Variants in LRRC8D observed in about 807,000 individuals in gnomAD.
LRRC8D encodes the protein volume-regulated anion channel subunit LRRC8D.
Under a neutral mutation model 55.8 loss-of-function variants are expected in LRRC8D, and 20 were observed. The ratio of observed to expected loss-of-function variants is 0.36; its 90% CI spans 0.25 to 0.52. LRRC8D has a LOEUF of 0.52. Among genes scored for constraint, LRRC8D ranks in the 20% least tolerant of loss-of-function variants. The probability of loss-of-function intolerance (pLI) is 0.93; values close to 1 mark genes in which losing one functional copy is unlikely to be tolerated. For missense variants in LRRC8D, 651 were observed against 1,030.8 expected (o/e 0.63, Z 5.05); for synonymous variants, 352 against 377.0 (o/e 0.93, Z 0.77).
intron 2 of LRRC8D, among the ~76,000 whole-genome samples, chr1:89,910,155 T>C (rs1663101123): frequency 6.6e-6 from 1 of 152,230 alleles, no homozygotes; most frequent in Admixed American, 6.5e-5. Context: ...GAATATTTGG[T>C]CTGACTTTGT....
intron 2 of LRRC8D, among the ~76,000 whole-genome samples, chr1:89,916,679 TTTC>T (rs1663276547): frequency 6.6e-6 from 1 of 152,168 alleles, no homozygotes; most frequent in Non-Finnish European, 1.5e-5. Context: ...TTTTCTTGCT[TTTC>T]TGTTCTCTCT....
chr1:89,932,430 A>G (rs1663734077), intron 2 of LRRC8D, among the ~76,000 whole-genome samples: 1 of 152,208 alleles, frequency 6.6e-6, no homozygotes, highest in Non-Finnish European at 1.5e-5. Flanking sequence ...TCAACTGTTC[A>G]TGGACACTTC....
chr1:89,912,471 A>C (rs1409992637), intron 2 of LRRC8D, among the ~76,000 whole-genome samples: 1 of 138,978 alleles, frequency 7.2e-6, no homozygotes, highest in Non-Finnish European at 1.5e-5. Flanking sequence ...ATATTCTGAG[A>C]TTAGACCCAT....
intron 2 of LRRC8D, among the ~76,000 whole-genome samples, chr1:89,862,101 G>A (rs1478797609): frequency 6.6e-6 from 1 of 152,188 alleles, no homozygotes; most frequent in Non-Finnish European, 1.5e-5. Flanking sequence ...AAAAGAGCTG[G>A]TTATACCGTT....
chr1:89,935,511 G>A lies in LRRC8D; in HGVS notation c.2443G>A (p.Ala815Thr). ...LKGNCLDRLP[A>T]QLGQCRMLKK... The stretch of plus-strand genomic sequence containing the variant: ...GGGGAACTGCTTGGACCGCCTGCCA[G>A]CCCAGCTGGGCCAGTGTCGGATGCT... The change falls in exon 3 of 3, where the codon GCC (alanine) becomes ACC (threonine). Residue 815 changes from alanine (A) to threonine (T), a missense_variant. By Grantham distance (58) the Ala-to-Thr change is moderately conservative (BLOSUM62 0). Transcript: ENST00000337338. 1.2e-6 allele frequency: 2 copies of A among 1,614,244 alleles called. No individual in the cohort carries two copies. The highest frequency in any genetic ancestry group is 1.7e-6 in the Non-Finnish European group (2 of 1,180,048).
chr1:89,929,014 AGAT>A (rs1376018935), intron 2 of LRRC8D, among the ~76,000 whole-genome samples: 1 of 152,258 alleles, frequency 6.6e-6, no homozygotes, highest in Non-Finnish European at 1.5e-5. Context: ...AGGATGCTGA[AGAT>A]GATGATCAAG....
At chr1:89,872,835 G>A (rs1409298597) in intron 2 of LRRC8D, among the ~76,000 whole-genome samples, 1 of 152,136 alleles carries the variant, frequency 6.6e-6, no homozygotes, top group African/African-American at 2.4e-5. Flanking sequence ...GATTAGTAAT[G>A]TGTGTGCAAA....
At chr1:89,840,642 C>T (rs957883840) in intron 1 of LRRC8D, among the ~76,000 whole-genome samples, 1 of 152,086 alleles carries the variant, frequency 6.6e-6, no homozygotes, top group African/African-American at 2.4e-5. Context: ...ACAAACTCTC[C>T]TATATATCAT....
chr1:89,869,551 G>A (rs1356230311), intron 2 of LRRC8D, among the ~76,000 whole-genome samples: 1 of 152,160 alleles, frequency 6.6e-6, no homozygotes, highest in African/African-American at 2.4e-5. Flanking sequence ...TATTATCCAG[G>A]AGAACTTCCC....
chr1:89,860,809 T>TATATATATATATATATAC (rs970678615), intron 2 of LRRC8D, among the ~76,000 whole-genome samples: 5 of 105,556 alleles, frequency 4.7e-5, no homozygotes, highest in East Asian at 2.9e-4. Flanking sequence ...TATATATATA[T>TATATATATATATATATAC]ACACACACAG....
At chr1:89,901,824 G>C (rs575318557) in intron 2 of LRRC8D, among the ~76,000 whole-genome samples, 5 of 152,326 alleles carry the variant, frequency 3.3e-5, no homozygotes, top group African/African-American at 1.2e-4. Flanking sequence ...TTTGATTTCT[G>C]TTTGGAGGAA....
At position 89,934,080 on chromosome 1, in the gene LRRC8D, G is replaced by A. The variant is rs568692732; in HGVS notation, c.1012G>A (p.Val338Ile). Residue 338 changes from valine (V) to isoleucine (I), a missense_variant, in exon 3 of 3, where the codon GTC becomes ATC. Physicochemically the swap from Val to Ile is conservative, Grantham distance 29 (BLOSUM62 3). Around this residue, in one of 5 missense-constraint regions of LRRC8D, gnomAD observed 178 missense variants for 374.9 expected, o/e 0.47. Coordinates refer to ENST00000337338, the MANE Select transcript of LRRC8D (RefSeq NM_001134479.2). This position sits in a 1 kb window ranked among gnomAD's most constrained non-coding sequence, Gnocchi z 5.9. ...TGTCAACGCAATCAGCTTTGAACAC[G>A]TCTGCAAGCCCAAAGTTGAGCATCT... ...NFVNAISFEH[V>I]CKPKVEHLIG... The A allele has an allele frequency of 4.2e-5, 67 of 1,614,160 alleles. No homozygotes were observed. The South Asian group carries it at 4.9e-4, about 12-fold the overall frequency.
chr1:89,864,758 C>G (rs1661800795), intron 2 of LRRC8D, among the ~76,000 whole-genome samples: 1 of 152,210 alleles, frequency 6.6e-6, no homozygotes, highest in African/African-American at 2.4e-5. Flanking sequence ...CAGGAAACCT[C>G]AGCCTCCATC....
chr1:89,847,492 G>A (rs1293531519), intron 2 of LRRC8D, among the ~76,000 whole-genome samples: 1 of 152,076 alleles, frequency 6.6e-6, no homozygotes, highest in African/African-American at 2.4e-5. Context: ...AGTGGCTTGT[G>A]AACCAGCCGT....
intron 2 of LRRC8D, among the ~76,000 whole-genome samples, chr1:89,876,519 G>A (rs944706530): frequency 6.6e-6 from 1 of 152,198 alleles, no homozygotes; most frequent in African/African-American, 2.4e-5. Context: ...CACAGAGAGT[G>A]CAGAGAGGTT....
At position 89,860,756 on chromosome 1, in the gene LRRC8D, C is replaced by CAAA. The variant is rs1181859656; in HGVS notation, c.-3+17002_-3+17004dup. The stretch of plus-strand genomic sequence containing the variant: ...CTGGCAACAGAGCAAGACTCTATCT[C>CAAA]AAAAAAAAAAAAAAAAAAAAAAAAA... On this transcript the variant is annotated intron_variant, in intron 2 of 2. Transcript: ENST00000337338. Among the ~76,000 whole-genome samples, 66 of 18,838 alleles carry CAAA rather than the reference C, an allele frequency of 3.5e-3. 9 individuals carry two copies. Among genetic ancestry groups the CAAA allele is most frequent in the East Asian group, 0.015 (3 of 200 alleles). The allele number at this position is 18,838 out of a possible 152,430, so 12.4% of individuals were successfully genotyped here. A position where few individuals can be genotyped will look rare whatever the true frequency, so the allele number is the denominator to read the frequency against.
chr1:89,935,859 T>C lies in LRRC8D; in HGVS notation c.*214T>C. ...CATTTCCAAATCATTTTTTTTTTTC[T>C]TTTGGGGAAAGGGAAGGAAAAATTA... On this transcript the variant is annotated 3_prime_UTR_variant, in exon 3 of 3. Coordinates refer to ENST00000337338, the MANE Select transcript of LRRC8D (RefSeq NM_001134479.2). The C allele has an allele frequency of 4.7e-6, 2 of 429,784 alleles. No homozygotes were observed. Among genetic ancestry groups the C allele is most frequent in the Admixed American group, 4.1e-5 (1 of 24,298 alleles). 26.6% of individuals were successfully genotyped at this position (429,784 alleles called of 1,614,324 possible).
rs533566314 is a variant in LRRC8D at position 89,842,106 on chromosome 1, G to C, written c.-147-1532G>C. On this transcript the variant is annotated intron_variant, in intron 1 of 2. Coordinates refer to ENST00000337338, the MANE Select transcript of LRRC8D (RefSeq NM_001134479.2). ...CGTGTGCCTGTAGTTTAAGCTTCTCGGGAGGCTGAGGCAGGAGAATCGTTT... is the reference window on the plus strand; with the variant it reads ...CGTGTGCCTGTAGTTTAAGCTTCTCCGGAGGCTGAGGCAGGAGAATCGTTT... 2.0e-5 allele frequency among the ~76,000 whole-genome samples: 3 copies of C among 151,962 alleles called. No homozygotes were observed. The South Asian group carries it at 6.3e-4, about 32-fold the overall frequency.
intron 1 of LRRC8D, among the ~76,000 whole-genome samples, chr1:89,842,181 C>A (rs1409537905): frequency 6.8e-6 from 1 of 146,018 alleles, no homozygotes; most frequent in Non-Finnish European, 1.5e-5. Context: ...CCACTGCACT[C>A]CAGCCTGGGC....
Sources: gnomAD v4.1 joint callset for allele counts (sites outside exome capture counted in the v4.1 genomes callset) on GRCh38, gnomAD v4.1.1 for gene constraint, gnomAD v4.1.1 regional missense constraint, Gnocchi (gnomAD v3.1) non-coding constraint, MANE v1.5 for transcripts, NCBI Gene and HGNC (gene_info 2026-07-23, HGNC 2026-07-21) for gene names.